Variants in MYH8 observed in about 807,000 individuals in gnomAD.
MYH8 encodes the protein myosin heavy chain 8.
In MYH8, 168 loss-of-function variants were observed where a neutral mutation model predicts 233.2. The observed-to-expected ratio is 0.72, with a 90% CI of 0.64 to 0.82. The LOEUF (loss-of-function observed/expected upper bound fraction) is 0.82, where lower values mean the gene tolerates loss of function less well. Among genes scored for constraint, MYH8 ranks in the 40% least tolerant of loss-of-function variants. MYH8 has a pLI of 0.00. For missense variants in MYH8, 1,995 were observed against 2,327.8 expected (o/e 0.86, Z 2.94); for synonymous variants, 785 against 850.6 (o/e 0.92, Z 1.34).
chr17:10,400,932 T>C lies in MYH8; in HGVS notation c.3282A>G (p.Ile1094Met). 6.2e-7 allele frequency: 1 copy of C among 1,613,834 alleles called. No individual in the cohort carries two copies. Among genetic ancestry groups the C allele is most frequent in the Non-Finnish European group, 8.5e-7 (1 of 1,180,018 alleles). Residue 1094 changes from isoleucine to methionine, a missense_variant, in exon 26 of 40, where the codon ATA (isoleucine) becomes ATG (methionine). Around this residue, in one of 3 missense-constraint regions of MYH8, gnomAD observed 1,498 missense variants for 1,680.9 expected, o/e 0.89. Coordinates refer to ENST00000403437, the MANE Select transcript of MYH8 (RefSeq NM_002472.3). The surrounding 1 kb of genome is among the most constrained non-coding windows in gnomAD (Gnocchi z 4.0). ...EKKEFEISNL[I>M]SKIEDEQAVE... ...CAGCTTGCTCATCTTCAATTTTGCT[T>C]ATCAAATTGCTGATTTCAAATTCTT...
rs757387520 is a variant in MYH8, at chr17:10,395,246, C to T, written c.4849G>A (p.Val1617Ile). 4 of 1,614,054 alleles carry T rather than the reference C, an allele frequency of 2.5e-6. No homozygotes were observed. Among genetic ancestry groups the T allele is most frequent in the Non-Finnish European group, 2.5e-6 (3 of 1,180,046 alleles). Residue 1617 changes from valine to isoleucine, a missense_variant, in exon 34 of 40, where the codon GTC (valine) becomes ATC (isoleucine). Coordinates refer to ENST00000403437, the MANE Select transcript of MYH8 (RefSeq NM_002472.3). ...AGATCTCCTTCCATTTTCTTCTTGA[C>T]TCTCAGAGCATCATTTCTGCTTCTA... ...EIRSRNDALR[V>I]KKKMEGDLNE...
At chr17:10,392,209 A>G (rs2072032598) in intron 38 of MYH8, among the ~76,000 whole-genome samples, 1 of 152,224 alleles carries the variant, frequency 6.6e-6, no homozygotes, top group South Asian at 2.1e-4. Context: ...CCATCCGGGA[A>G]AATAGACACT....
rs201648248 is a variant in MYH8 at position 10,392,565 on chromosome 17, G to A, written c.5545C>T (p.Arg1849Ter). 121 of 1,614,086 alleles carry A rather than the reference G, an allele frequency of 7.5e-5. No homozygotes were observed. Among genetic ancestry groups the A allele is most frequent in the South Asian group, 4.2e-4 (38 of 91,078 alleles). Residue 1849 changes from arginine (R) to a stop codon, truncating the protein, a stop_gained, in exon 38 of 40, where the codon CGA (arginine) becomes TGA (stop). Transcript: ENST00000403437. LOFTEE classifies it high-confidence loss of function. ...AVKGLRKHERRVKELTYQTEE... is the reference protein window; with the variant it reads ...AVKGLRKHER Reference sequence around the variant, plus strand: ...ACCTGGTAGGTGAGTTCTTTTACTCGTCGCTCATGTTTCCGTAAACCTTTA... The same window carrying A: ...ACCTGGTAGGTGAGTTCTTTTACTCATCGCTCATGTTTCCGTAAACCTTTA...
Position 10,404,385 on chromosome 17 carries a change from TC to T in MYH8, c.2632del (p.Glu878LysfsTer7). ...CTCTTTTAAGAGAGTGACCATTTTT[TC>T]CTCTAGCTCCTTCCGTTTTGCCTCT... ...KSEAKRKELE[E>X]KMVTLLKEKN... On this transcript the variant is annotated frameshift_variant, in exon 22 of 40. Coordinates refer to ENST00000403437, the MANE Select transcript of MYH8 (RefSeq NM_002472.3). LOFTEE classifies it high-confidence loss of function. 1.9e-6 allele frequency: 3 copies of T among 1,614,036 alleles called. No homozygotes were observed. Among genetic ancestry groups the T allele is most frequent in the Non-Finnish European group, 2.5e-6 (3 of 1,179,940 alleles).
rs188081237 is a variant in MYH8, at chr17:10,410,774, G to A, written c.1587+3C>T. 1.1e-4 allele frequency: 179 copies of A among 1,613,916 alleles called. No individual in the cohort carries two copies. Among genetic ancestry groups the A allele is most frequent in the Non-Finnish European group, 1.4e-4 (168 of 1,179,878 alleles). On this transcript the variant is annotated splice_donor_region_variant and intron_variant, in intron 15 of 39. Coordinates refer to ENST00000403437, the MANE Select transcript of MYH8 (RefSeq NM_002472.3). ...TCTGCCCTTCTTTGGAAACCAAACC[G>A]ACCTTCTCAATGAGCTCAATGCAGG...
In MYH8 at chr17:10,419,911, G is replaced by C; in HGVS notation, c.210+107C>G. The C allele has an allele frequency of 8.4e-7, 1 of 1,195,104 alleles. No individual in the cohort carries two copies. The highest frequency in any genetic ancestry group is 1.5e-5 in the African/African-American group (1 of 66,842). The allele number at this position is 1,195,104 out of a possible 1,614,324, so 74.0% of individuals were successfully genotyped here. A position where few individuals can be genotyped will look rare whatever the true frequency, so the allele number is the denominator to read the frequency against. On this transcript the variant is annotated intron_variant, in intron 3 of 39. Transcript: ENST00000403437. This position sits in a 1 kb window ranked among gnomAD's most constrained non-coding sequence, Gnocchi z 4.0. The stretch of plus-strand genomic sequence containing the variant: ...ACATCTAATGTCTCAACACTGACTA[G>C]AAGGGTGTTTGCATTGGCAACAGGC...
chr17:10,421,242 A>T (rs749205139), intron 2 of MYH8, among the ~76,000 whole-genome samples: 13 of 152,362 alleles, frequency 8.5e-5, no homozygotes, highest in Non-Finnish European at 1.6e-4. Context: ...CTTTCTAACA[A>T]CAAATAACAA....
Position 10,395,256 on chromosome 17 carries a change from A to C in MYH8, c.4839T>G (p.Asp1613Glu). The C allele has an allele frequency of 6.2e-7, 1 of 1,614,134 alleles. No individual in the cohort carries two copies. Among genetic ancestry groups the C allele is most frequent in the African/African-American group, 1.3e-5 (1 of 75,018 alleles). The part of the protein sequence containing the change: ...TLDAEIRSRN[D>E]ALRVKKKMEG... The stretch of plus-strand genomic sequence containing the variant: ...CCATTTTCTTCTTGACTCTCAGAGC[A>C]TCATTTCTGCTTCTAATCTCTGCAT... Residue 1613 changes from aspartate to glutamate, a missense_variant, in exon 34 of 40, where the codon GAT becomes GAG. Asp to Glu is a conservative substitution (Grantham distance 45). Coordinates refer to ENST00000403437, the MANE Select transcript of MYH8 (RefSeq NM_002472.3).
intron 33 of MYH8, among the ~76,000 whole-genome samples, chr17:10,395,992 C>G (rs1183248292): frequency 1.3e-5 from 2 of 151,944 alleles, no homozygotes; most frequent in East Asian, 3.9e-4. Flanking sequence ...AAATTTGTGT[C>G]TTTAAAATTA....
At chr17:10,390,847 C>G (rs1165237843) in intron 39 of MYH8, among the ~76,000 whole-genome samples, 2 of 152,130 alleles carry the variant, frequency 1.3e-5, no homozygotes, top group African/African-American at 2.4e-5. Context: ...GATTTATGTT[C>G]TGTGTGGAAA....
intron 9 of MYH8, 129 bp downstream of exon 9, chr17:10,414,987 A>G (rs2072276325): frequency 2.4e-6 from 2 of 847,178 alleles, no homozygotes; most frequent in East Asian, 2.4e-5. Flanking sequence ...GCCTAGCATT[A>G]GCTTACAGGC....
In MYH8 at chr17:10,415,184, A is replaced by C. The variant is rs2072278673; in HGVS notation, c.742-5T>G. On this transcript the variant is annotated splice_polypyrimidine_tract_variant and splice_region_variant and intron_variant, in intron 8 of 39. Coordinates refer to ENST00000403437, the MANE Select transcript of MYH8 (RefSeq NM_002472.3). This position sits in a 1 kb window ranked among gnomAD's most constrained non-coding sequence, Gnocchi z 4.1. ...GTGGATTCTAATGAATTTACCCTTG[A>C]AAAGAATATTTAGTATTAGAAAACT... is the stretch of plus-strand genomic sequence containing the variant. 6.2e-7 allele frequency: 1 copy of C among 1,611,880 alleles called. No individual in the cohort carries two copies. The highest frequency in any genetic ancestry group is 8.5e-7 in the Non-Finnish European group (1 of 1,178,038).
Position 10,396,381 on chromosome 17 carries a change from CTTCT to C in MYH8, c.4598_4601del (p.Lys1533SerfsTer3), listed in dbSNP as rs759187236. ...TTTCACATTTCTCTTGTTCTACTTG[CTTCT>C]TTATTTTCTCCAATTCATGAATTTG... On this transcript the variant is annotated frameshift_variant, in exon 33 of 40. Coordinates refer to ENST00000403437, the MANE Select transcript of MYH8 (RefSeq NM_002472.3). LOFTEE classifies it high-confidence loss of function. This position sits in a 1 kb window ranked among gnomAD's most constrained non-coding sequence, Gnocchi z 4.2. The C allele has an allele frequency of 8.7e-6, 14 of 1,613,920 alleles. No homozygotes were observed. The highest frequency in any genetic ancestry group is 1.6e-4 in the Middle Eastern group (1 of 6,084).
At chr17:10,406,521 T>C in intron 19 of MYH8, 124 bp from the exon 20 acceptor site, 2 of 1,454,088 alleles carry the variant, frequency 1.4e-6, no homozygotes, top group Admixed American at 3.4e-5. Flanking sequence ...CCAACTGCCG[T>C]TTAAGGACAG....
rs140081412 is a variant in MYH8 at position 10,398,620 on chromosome 17, G to C, written c.4002C>G (p.His1334Gln). The change falls in exon 30 of 40, where the codon CAC (histidine) becomes CAG (glutamine). Residue 1334 changes from histidine to glutamine, a missense_variant. His to Gln is a conservative substitution (Grantham distance 24, BLOSUM62 0). Coordinates refer to ENST00000403437, the MANE Select transcript of MYH8 (RefSeq NM_002472.3). ...AGTCATGGCGGGAGGACTGCAGGGCGTGTGCCAGGGCGTTCTTGGCCTGCA... is the reference window on the plus strand; with the variant it reads ...AGTCATGGCGGGAGGACTGCAGGGCCTGTGCCAGGGCGTTCTTGGCCTGCA... ...EETKAKNALA[H>Q]ALQSSRHDCD... 20 of 1,614,068 alleles carry C rather than the reference G, an allele frequency of 1.2e-5. No homozygotes were observed. In the African/African-American group the frequency reaches 2.1e-4, roughly 17 times the overall value.
At chr17:10,413,822 A>G in intron 12 of MYH8, 80 bp downstream of exon 12, 1 of 1,606,792 alleles carries the variant, frequency 6.2e-7, no homozygotes, top group South Asian at 1.1e-5. Flanking sequence ...GTCCAGCCAC[A>G]AAGGAGATGT....
intron 14 of MYH8, among the ~76,000 whole-genome samples, chr17:10,412,126 TG>T (rs1414180117): frequency 7.9e-5 from 12 of 152,196 alleles, no homozygotes; most frequent in Non-Finnish European, 1.5e-4. Context: ...AGCTACTCCT[TG>T]GGTTGTTTTG....
rs765563860 is a variant in MYH8, at chr17:10,414,192, A to G, written c.1008T>C (p.Asp336=). The part of the protein sequence containing the change: ...IDDQEELMAT[D]SAIDILGFTP... ...TTTAAAATTAGTGTTTTTGACTTAC[A>G]TCAGTGGCCATCAACTCTTCTTGGT... Residue 336 remains aspartate (D), a splice_region_variant and synonymous_variant, in exon 11 of 40, where the codon GAT becomes GAC. Coordinates refer to ENST00000403437, the MANE Select transcript of MYH8 (RefSeq NM_002472.3). 8.7e-6 allele frequency: 14 copies of G among 1,613,758 alleles called. No individual in the cohort carries two copies. The highest frequency in any genetic ancestry group is 1.2e-5 in the Non-Finnish European group (14 of 1,179,632).
chr17:10,413,419 C>CT lies in MYH8; in HGVS notation c.1147+482dup, dbSNP rs557230726. Among the ~76,000 whole-genome samples, 14 of 152,216 alleles carry CT rather than the reference C, an allele frequency of 9.2e-5. No individual in the cohort carries two copies. In the East Asian group the frequency reaches 1.3e-3, roughly 15 times the overall value. On this transcript the variant is annotated intron_variant, in intron 12 of 39. Transcript: ENST00000403437. ...AATATATGATCTTTTTTCTCAATTC[C>CT]TTTTTTTAACTCTTACTTGCTGCCT...
Sources: gnomAD v4.1 joint callset for allele counts (sites outside exome capture counted in the v4.1 genomes callset) on GRCh38, gnomAD v4.1.1 for gene constraint, gnomAD v4.1.1 regional missense constraint, Gnocchi (gnomAD v3.1) non-coding constraint, MANE v1.5 for transcripts, NCBI Gene and HGNC (gene_info 2026-07-23, HGNC 2026-07-21) for gene names.